Variants in TPRG1 observed in about 807,000 individuals in gnomAD.
TPRG1 encodes tumor protein p63 regulated 1, also known as tumor protein p63-regulated gene 1 protein.
A neutral mutation model predicts 29.3 loss-of-function variants in TPRG1; 29 were observed. That is an observed-to-expected ratio of 0.99 (90% confidence interval 0.74 to 1.35). TPRG1 has a LOEUF of 1.35. TPRG1 is among the 40% of genes most tolerant of loss of function. The pLI is 0.00. For synonymous variants in TPRG1, 130 were observed against 116.8 expected (o/e 1.11, Z -0.73); for missense variants, 327 against 335.0 (o/e 0.98, Z 0.19).
chr3:189,242,106 T>C (rs1488055607), intron 4 of TPRG1, among the ~76,000 whole-genome samples: 1 of 152,164 alleles, frequency 6.6e-6, no homozygotes, highest in Non-Finnish European at 1.5e-5. Context: ...CATCTAAAAT[T>C]TGCCTTGAGT....
At chr3:189,214,962 A>ATTTTATATATATATATATATATTTTATAT in intron 2 of TPRG1, among the ~76,000 whole-genome samples, 14 of 147,462 alleles carry the variant, frequency 9.5e-5, no homozygotes, top group Admixed American at 2.2e-4. Context: ...GGTTTAATTT[A>ATTTTATATATATATATATATATTTTATAT]AAAATGTACA....
At chr3:189,312,112 T>C (rs1331589426) in intron 5 of TPRG1, among the ~76,000 whole-genome samples, 21 of 72,052 alleles carry the variant, frequency 2.9e-4, no homozygotes, top group African/African-American at 1.4e-3. Flanking sequence ...TTTGTTTCTT[T>C]CTTTGTTTCT....
chr3:189,234,772 CAG>C (rs1458047972), intron 3 of TPRG1, among the ~76,000 whole-genome samples: 1 of 152,122 alleles, frequency 6.6e-6, no homozygotes, highest in Non-Finnish European at 1.5e-5. Context: ...GGAGGGGAGA[CAG>C]ACATTAATTA....
rs78436592 is a variant in TPRG1, at chr3:189,141,459, C to T, written c.-290-6125C>T. On this transcript the variant is annotated intron_variant, in intron 3 of 6. Transcript: ENST00000412373. Reference sequence around the variant, plus strand: ...GCATGTTTCTAACAAGCTGCTCTTGCCACCAAGAAGCCGGAAGACAGGTTA... The same window carrying T: ...GCATGTTTCTAACAAGCTGCTCTTGTCACCAAGAAGCCGGAAGACAGGTTA... 9.2e-5 allele frequency among the ~76,000 whole-genome samples: 14 copies of T among 152,242 alleles called. No homozygotes were observed. The East Asian group carries it at 2.7e-3, about 29-fold the overall frequency.
At chr3:189,059,593 AAAAAAC>A (rs1469753663) in intron 4 of TPRG1, among the ~76,000 whole-genome samples, 32 of 152,252 alleles carry the variant, frequency 2.1e-4, no homozygotes, top group African/African-American at 7.5e-4. Flanking sequence ...CTCCATCTTA[AAAAAAC>A]AAAAACAAAA....
intron 1 of TPRG1, among the ~76,000 whole-genome samples, chr3:189,206,690 T>A (rs1197038756): frequency 6.6e-6 from 1 of 151,766 alleles, no homozygotes; most frequent in Non-Finnish European, 1.5e-5. Context: ...TTGTAGAGAC[T>A]GGGTTTCGCC....
At chr3:189,108,151 G>A (rs983846402) in intron 1 of TPRG1, among the ~76,000 whole-genome samples, 1 of 152,116 alleles carries the variant, frequency 6.6e-6, no homozygotes, top group African/African-American at 2.4e-5. Context: ...CAGCAAATAT[G>A]GGGCTTTATT....
intron 5 of TPRG1, chr3:189,315,577 C>A (rs1361658358): frequency 2.3e-6 from 1 of 443,534 alleles, no homozygotes; most frequent in African/African-American, 2.0e-5. Flanking sequence ...GCCCTACAAC[C>A]ATCATGATCT....
intron 4 of TPRG1, among the ~76,000 whole-genome samples, chr3:189,279,234 C>T (rs551813247): frequency 1.1e-4 from 16 of 152,072 alleles, no homozygotes; most frequent in African/African-American, 3.9e-4. Context: ...CCAACCTTTT[C>T]CTGAAGAGAG....
intron 4 of TPRG1, among the ~76,000 whole-genome samples, chr3:189,300,647 A>G (rs1720682166): frequency 6.6e-6 from 1 of 152,216 alleles, no homozygotes; most frequent in Non-Finnish European, 1.5e-5. Context: ...AAGAAGAACC[A>G]GAGCTAGACC....
At chr3:189,283,678 T>A (rs1374853387) in intron 4 of TPRG1, among the ~76,000 whole-genome samples, 1 of 152,236 alleles carries the variant, frequency 6.6e-6, no homozygotes, top group Non-Finnish European at 1.5e-5. Flanking sequence ...GTTGATTTCA[T>A]AAACATTTGT....
At chr3:189,262,932 T>TGACA in intron 4 of TPRG1, among the ~76,000 whole-genome samples, 1 of 152,366 alleles carries the variant, frequency 6.6e-6, no homozygotes, top group East Asian at 1.9e-4. Context: ...GTGAGGCTGC[T>TGACA]GACAGCATGG....
At chr3:189,297,527 C>A (rs1720155068) in intron 4 of TPRG1, among the ~76,000 whole-genome samples, 2 of 152,108 alleles carry the variant, frequency 1.3e-5, no homozygotes. Flanking sequence ...GGGTTAGGAT[C>A]ACCTGGGAGC....
chr3:189,042,890 G>A (rs1161819853), intron 4 of TPRG1, among the ~76,000 whole-genome samples: 2 of 152,190 alleles, frequency 1.3e-5, no homozygotes, highest in Non-Finnish European at 2.9e-5. Context: ...CTCACCAGAA[G>A]AGCTGTCAAG....
chr3:189,266,431 A>G (rs1464364904), intron 4 of TPRG1, among the ~76,000 whole-genome samples: 1 of 152,206 alleles, frequency 6.6e-6, no homozygotes, highest in Non-Finnish European at 1.5e-5. Context: ...AGGAGTGTTC[A>G]TCATTCACTC....
Position 189,257,670 on chromosome 3 carries a change from A to G in TPRG1, c.479+18761A>G, listed in dbSNP as rs546292677. On this transcript the variant is annotated intron_variant, in intron 4 of 5. Coordinates refer to ENST00000345063, the MANE Select transcript of TPRG1 (RefSeq NM_198485.4). ...TCAAATGTAGATTTGGTCTTTTCAC[A>G]TAGTCCCATATTTCTTGGAGGCTTT... is the stretch of plus-strand genomic sequence containing the variant. 3.1e-4 allele frequency among the ~76,000 whole-genome samples: 47 copies of G among 152,236 alleles called. 1 individual carries two copies. In the South Asian group the frequency reaches 9.6e-3, roughly 31 times the overall value.
intron 5 of TPRG1, among the ~76,000 whole-genome samples, chr3:189,159,026 T>C (rs143067677): frequency 5.4e-4 from 82 of 152,126 alleles, no homozygotes; most frequent in African/African-American, 1.8e-3. Context: ...AAAAGTGACA[T>C]TTGCTGTCTC....
intron 4 of TPRG1, among the ~76,000 whole-genome samples, chr3:189,147,973 G>A (rs1380528734): frequency 1.3e-5 from 2 of 152,154 alleles, no homozygotes; most frequent in South Asian, 4.1e-4. Flanking sequence ...AACACAAACA[G>A]CATAATCCTT....
rs1724587894 is a variant in TPRG1 at position 189,324,771 on chromosome 3, G to C, written c.*3951G>C. The C allele has an allele frequency of 6.6e-6, 1 of 152,190 alleles. No homozygotes were observed. Among genetic ancestry groups the C allele is most frequent in the African/African-American group, 2.4e-5 (1 of 41,434 alleles). 9.4% of individuals were successfully genotyped at this position (152,190 alleles called of 1,614,324 possible). A position where few individuals can be genotyped will look rare whatever the true frequency, so the allele number is the denominator to read the frequency against. Reference sequence around the variant, plus strand: ...TTGTGCCAAGGGGAAGAAAGAGAGAGACTAATGCCTGTGGTTTTCAAAGGT... The same window carrying C: ...TTGTGCCAAGGGGAAGAAAGAGAGACACTAATGCCTGTGGTTTTCAAAGGT... On this transcript the variant is annotated 3_prime_UTR_variant, in exon 6 of 6. Coordinates refer to ENST00000345063, the MANE Select transcript of TPRG1 (RefSeq NM_198485.4).
Sources: allele counts gnomAD v4.1 joint callset (sites outside exome capture counted in the v4.1 genomes callset), GRCh38; gene constraint gnomAD v4.1.1; transcripts MANE v1.5; gene names NCBI Gene and HGNC (gene_info 2026-07-23, HGNC 2026-07-21).